Variants in KCNJ12 observed in about 807,000 individuals in gnomAD.
The protein encoded by KCNJ12 is potassium inwardly rectifying channel subfamily J member 12.
Under a neutral mutation model 22.3 loss-of-function variants are expected in KCNJ12, and 2 were observed. That is an observed-to-expected ratio of 0.09 (90% confidence interval 0.04 to 0.28). The LOEUF (loss-of-function observed/expected upper bound fraction) is 0.28. KCNJ12 is among the 10% of genes least tolerant of loss of function. The pLI, the probability that KCNJ12 is intolerant of heterozygous loss-of-function variation, is 1.00. For synonymous variants in KCNJ12, 117 were observed against 261.4 expected, an observed-to-expected ratio of 0.45 and a Z score of 5.33; for missense variants, 155 against 633.3, an observed-to-expected ratio of 0.24 and a Z score of 8.11.
intron 1 of KCNJ12, among the ~76,000 whole-genome samples, chr17:21,397,579 C>A (rs1246827296): frequency 6.6e-6 from 1 of 152,230 alleles, no homozygotes; most frequent in African/African-American, 2.4e-5. Flanking sequence ...CTGAATAAAT[C>A]ATCGTGGGAG....
intron 1 of KCNJ12, among the ~76,000 whole-genome samples, chr17:21,382,816 T>TG (rs1320776927): frequency 1.3e-5 from 2 of 151,174 alleles, no homozygotes; most frequent in Admixed American, 6.6e-5. Context: ...ACCTGGGGAG[T>TG]GGGGGCAGAA....
chr17:21,394,672 C>T (rs1329894647), intron 1 of KCNJ12, among the ~76,000 whole-genome samples: 1 of 152,044 alleles, frequency 6.6e-6, no homozygotes, highest in Non-Finnish European at 1.5e-5. Flanking sequence ...AGGCTCAACT[C>T]GAGGCTGAGG....
At chr17:21,384,116 G>A (rs1904989738) in intron 1 of KCNJ12, among the ~76,000 whole-genome samples, 1 of 152,112 alleles carries the variant, frequency 6.6e-6, no homozygotes, top group Admixed American at 6.5e-5. Context: ...ATAGAAACGT[G>A]CTAATATCTA....
intron 1 of KCNJ12, among the ~76,000 whole-genome samples, chr17:21,403,072 C>T (rs1356169617): frequency 3.3e-5 from 5 of 152,306 alleles, no homozygotes; most frequent in African/African-American, 7.2e-5. Flanking sequence ...GGAGTACTCA[C>T]GGAGGAGCAA....
In KCNJ12 at chr17:21,407,749, A is replaced by G. The variant is rs1410873236; in HGVS notation, c.-178-770A>G. Reference sequence around the variant, plus strand: ...CATCTATCCAACCATCCATCCATCCATCCATTCATCCATCCATCCATCCAT... The same window carrying G: ...CATCTATCCAACCATCCATCCATCCGTCCATTCATCCATCCATCCATCCAT... On this transcript the variant is annotated intron_variant, in intron 1 of 2. Transcript: ENST00000583088. Among the ~76,000 whole-genome samples, 26 of 152,248 alleles carry G rather than the reference A, an allele frequency of 1.7e-4. No individual in the cohort carries two copies. In the East Asian group the frequency reaches 4.6e-3, roughly 27 times the overall value.
In KCNJ12 at chr17:21,415,354, C is replaced by G; in HGVS notation, c.12C>G (p.Ala4=). Residue 4 remains alanine (A), a synonymous_variant, in exon 3 of 3, where the codon GCC becomes GCG. Transcript: ENST00000583088. ...CCCCAACCCCCGGGATGACCGCGGCCAGCCGGGCCAACCCCTACAGCATCG... is the reference window on the plus strand; with the variant it reads ...CCCCAACCCCCGGGATGACCGCGGCGAGCCGGGCCAACCCCTACAGCATCG... MTA[A]SRANPYSIVS... is the part of the protein sequence containing the mutation. The G allele has an allele frequency of 1.2e-6, 2 of 1,608,928 alleles. No homozygotes were observed. The highest frequency in any genetic ancestry group is 8.5e-7 in the Non-Finnish European group (1 of 1,179,928).
intron 1 of KCNJ12, among the ~76,000 whole-genome samples, chr17:21,394,334 T>C (rs1425973223): frequency 2.0e-5 from 3 of 152,262 alleles, no homozygotes; most frequent in Admixed American, 6.5e-5. Flanking sequence ...GTACTTGCTG[T>C]ACAGGTTTGC....
At chr17:21,396,597 C>T (rs137862326) in intron 1 of KCNJ12, among the ~76,000 whole-genome samples, 71 of 152,146 alleles carry the variant, frequency 4.7e-4, no homozygotes, top group African/African-American at 1.5e-3. Flanking sequence ...ATGGGATGCC[C>T]GGTGTGGGTA....
chr17:21,383,413 G>A (rs572313645), intron 1 of KCNJ12, among the ~76,000 whole-genome samples: 15 of 152,326 alleles, frequency 9.8e-5, no homozygotes, highest in African/African-American at 3.4e-4. Flanking sequence ...GGCCAGAGAG[G>A]GTCCAGGGGA....
intron 1 of KCNJ12, among the ~76,000 whole-genome samples, chr17:21,405,506 A>G (rs1202667238): frequency 0.023 from 3,464 of 152,314 alleles, 52 homozygotes; most frequent in Non-Finnish European, 0.035. Context: ...ACCCTCTGAG[A>G]GGCCTGGCAG....
chr17:21,383,330 G>T (rs1278629371), intron 1 of KCNJ12, among the ~76,000 whole-genome samples: 1 of 152,124 alleles, frequency 6.6e-6, no homozygotes, highest in Non-Finnish European at 1.5e-5. Flanking sequence ...AGCCAACCCC[G>T]CCCCGACCCT....
chr17:21,391,000 C>G (rs1905196298), intron 1 of KCNJ12, among the ~76,000 whole-genome samples: 1 of 152,190 alleles, frequency 6.6e-6, no homozygotes, highest in African/African-American at 2.4e-5. Context: ...AGCCACTAAA[C>G]CGCTTGCTGT....
chr17:21,388,727 A>G lies in KCNJ12; in HGVS notation c.-179+11814A>G, dbSNP rs1028089996. On this transcript the variant is annotated intron_variant, in intron 1 of 2. Transcript: ENST00000583088. ...TGTGCTCAGTGCTTTCCCGAACATT[A>G]TCTCACTGAATTCTCAAAATGTCCC... is the stretch of plus-strand genomic sequence containing the variant. 3.3e-5 allele frequency among the ~76,000 whole-genome samples: 5 copies of G among 152,314 alleles called. No homozygotes were observed. In the East Asian group the frequency reaches 9.7e-4, roughly 29 times the overall value.
At chr17:21,394,399 A>G (rs563206403) in intron 1 of KCNJ12, among the ~76,000 whole-genome samples, 136 of 152,342 alleles carry the variant, frequency 8.9e-4, no homozygotes, top group African/African-American at 3.1e-3. Flanking sequence ...AGGCTGTACC[A>G]TCTAGCTTTG....
intron 1 of KCNJ12, among the ~76,000 whole-genome samples, chr17:21,401,685 C>T (rs1307304383): frequency 2.0e-5 from 3 of 152,338 alleles, no homozygotes; most frequent in Non-Finnish European, 2.9e-5. Flanking sequence ...TGCTGCCTGC[C>T]GTCTTGTGAT....
chr17:21,403,325 G>T (rs4985857), intron 1 of KCNJ12, among the ~76,000 whole-genome samples: 85 of 152,368 alleles, frequency 5.6e-4, no homozygotes, highest in African/African-American at 1.9e-3. Context: ...ACATGGGTCC[G>T]ATTTAAACAA....
intron 1 of KCNJ12, chr17:21,405,132 A>G (rs1905856032): frequency 6.6e-6 from 1 of 152,512 alleles, no homozygotes; most frequent in Non-Finnish European, 1.5e-5. Flanking sequence ...TTCTGAGGAC[A>G]TCCAGCAGGC....
intron 1 of KCNJ12, among the ~76,000 whole-genome samples, chr17:21,377,560 AG>A (rs1257895867): frequency 6.6e-6 from 1 of 151,992 alleles, no homozygotes; most frequent in African/African-American, 2.4e-5. Context: ...AGAAGCTCCC[AG>A]GGTTTCAGGG....
intron 1 of KCNJ12, among the ~76,000 whole-genome samples, chr17:21,377,131 A>T (rs192961173): frequency 8.5e-5 from 13 of 152,152 alleles, no homozygotes; most frequent in South Asian, 2.1e-4. Context: ...TTTTCCTGCC[A>T]TGTCTCCGGC....
Sources: allele counts gnomAD v4.1 joint callset (sites outside exome capture counted in the v4.1 genomes callset), GRCh38; gene constraint gnomAD v4.1.1; transcripts MANE v1.5; gene names NCBI Gene and HGNC (gene_info 2026-07-23, HGNC 2026-07-21).